NLRP3: variants seen among roughly 807,000 people sequenced by gnomAD.
The protein encoded by NLRP3 is NLR family pyrin domain containing 3.
A neutral mutation model predicts 91.3 loss-of-function variants in NLRP3; 48 were observed. That is an observed-to-expected ratio of 0.53 (90% CI 0.42 to 0.67). NLRP3 has a LOEUF of 0.67. Among genes scored for constraint, NLRP3 ranks in the 30% least tolerant of loss-of-function variants. The pLI is 0.00. For synonymous variants in NLRP3, 561 were observed against 507.9 expected, an observed-to-expected ratio of 1.10 and a Z score of -1.41; for missense variants, 982 against 1,276.9, an observed-to-expected ratio of 0.77 and a Z score of 3.52.
Position 247,424,229 on chromosome 1 carries a change from A to G in NLRP3, c.780A>G (p.Arg260=), listed in dbSNP as rs4925543. The G allele has an allele frequency of 0.95, 1,531,269 of 1,614,012 alleles. 727,245 individuals are homozygous for G. The highest frequency in any genetic ancestry group is 1 in the East Asian group (44,816 of 44,850). The change falls in exon 4 of 10, where the codon CGA becomes CGG. Residue 260 remains arginine (R), a synonymous_variant. Coordinates refer to ENST00000336119, the MANE Select transcript of NLRP3 (RefSeq NM_001243133.2). This position sits in a 1 kb window ranked among gnomAD's most constrained non-coding sequence, Gnocchi z 8.1. ...RFDYLFYIHC[R]EVSLVTQRSL... ...ACTATCTGTTCTATATCCACTGTCG[A>G]GAGGTGAGCCTTGTGACACAGAGGA...
At position 247,448,595 on chromosome 1, in the gene NLRP3, A is replaced by G. The variant is rs201578083; in HGVS notation, c.*91A>G. 9.9e-6 allele frequency: 8 copies of G among 806,920 alleles called. No individual in the cohort carries two copies. In the Admixed American group the frequency reaches 1.4e-4, roughly 14 times the overall value. The allele number at this position is 806,920 out of a possible 1,614,324, so 50.0% of individuals were successfully genotyped here. On this transcript the variant is annotated 3_prime_UTR_variant, in exon 10 of 10. Transcript: ENST00000336119. ...AGAGAGCTGCGATCCATCCAGGCCA[A>G]GACCACAGCTCTGTGATCCTTCCGG...
chr1:247,448,592 C>A lies in NLRP3; in HGVS notation c.*88C>A. On this transcript the variant is annotated 3_prime_UTR_variant, in exon 10 of 10. Coordinates refer to ENST00000336119, the MANE Select transcript of NLRP3 (RefSeq NM_001243133.2). ...TGGAGAGAGCTGCGATCCATCCAGG[C>A]CAAGACCACAGCTCTGTGATCCTTC... The A allele has an allele frequency of 1.2e-6, 1 of 817,520 alleles. No homozygotes were observed. The highest frequency in any genetic ancestry group is 2.2e-6 in the Non-Finnish European group (1 of 457,652). The allele number at this position is 817,520 out of a possible 1,614,324, so 50.6% of individuals were successfully genotyped here.
At chr1:247,447,666 A>AC (rs1664670627) in intron 9 of NLRP3, among the ~76,000 whole-genome samples, 1 of 151,988 alleles carries the variant, frequency 6.6e-6, no homozygotes, top group African/African-American at 2.4e-5. Context: ...TAAGGTAAAA[A>AC]AATTTACAAG....
chr1:247,420,692 G>A (rs1423187932), intron 2 of NLRP3, among the ~76,000 whole-genome samples: 1 of 152,058 alleles, frequency 6.6e-6, no homozygotes, highest in African/African-American at 2.4e-5. Context: ...ACTCCAGCCT[G>A]GGCTAAAGAG....
rs774460270 is a variant in NLRP3, at chr1:247,425,574, T to C, written c.2125T>C (p.Ser709Pro). The C allele has an allele frequency of 1.9e-6, 3 of 1,608,684 alleles. No homozygotes were observed. Among genetic ancestry groups the C allele is most frequent in the Non-Finnish European group, 2.5e-6 (3 of 1,179,996 alleles). The change falls in exon 4 of 10, where the codon TCC (serine) becomes CCC (proline). Residue 709 changes from serine to proline, a missense_variant. Coordinates refer to ENST00000336119, the MANE Select transcript of NLRP3 (RefSeq NM_001243133.2). The surrounding 1 kb of genome is among the most constrained non-coding windows in gnomAD (Gnocchi z 4.1). ...LDMVQCVLPSSSHAACSHGLV... is the reference protein window; with the variant it reads ...LDMVQCVLPSPSHAACSHGLV... ...TATGGTGCAGTGTGTCCTCCCAAGCTCCTCTCATGCTGCCTGTTCTCATGG... is the reference window on the plus strand; with the variant it reads ...TATGGTGCAGTGTGTCCTCCCAAGCCCCTCTCATGCTGCCTGTTCTCATGG...
At chr1:247,423,462 T>C (rs1662620061) in intron 3 of NLRP3, 113 bp downstream of exon 3, 1 of 1,222,056 alleles carries the variant, frequency 8.2e-7, no homozygotes, top group East Asian at 2.3e-5. Flanking sequence ...CTCTTTGGAA[T>C]GCAAAGGCCT....
rs534241765 is a variant in NLRP3, at chr1:247,443,276, CT to C, written c.2664-695del. Among the ~76,000 whole-genome samples the C allele has an allele frequency of 3.9e-3, 591 of 152,174 alleles. 2 individuals are homozygous for C. The highest frequency in any genetic ancestry group is 0.014 in the African/African-American group (563 of 41,518). ...GCAGGGTCTCACTCTGTCACCCAGG[CT>C]AGAGTGTGGCAGCGCAATCATGGCT... is the stretch of plus-strand genomic sequence containing the variant. On this transcript the variant is annotated intron_variant, in intron 7 of 9. Transcript: ENST00000336119.
At position 247,436,156 on chromosome 1, in the gene NLRP3, T is replaced by G. The variant is rs199623293; in HGVS notation, c.2663+16T>G. 2.5e-6 allele frequency: 4 copies of G among 1,613,244 alleles called. No homozygotes were observed. Among genetic ancestry groups the G allele is most frequent in the Middle Eastern group, 1.6e-4 (1 of 6,082 alleles). ...AGAAACTGGGGTAAGTCTTCATGGG[T>G]GTCTTACCAGAAAAGTAACTTCTTT... On this transcript the variant is annotated intron_variant, in intron 7 of 9. Coordinates refer to ENST00000336119, the MANE Select transcript of NLRP3 (RefSeq NM_001243133.2).
In NLRP3 at chr1:247,421,759, C is replaced by A. The variant is rs1662476229; in HGVS notation, c.278-1471C>A. On this transcript the variant is annotated intron_variant, in intron 2 of 9. Coordinates refer to ENST00000336119, the MANE Select transcript of NLRP3 (RefSeq NM_001243133.2). ...CACTACACCGTCTTTGCTTCCATAT[C>A]TGGATTTTGAGGCAGAAAAGTTATA... Among the ~76,000 whole-genome samples the A allele has an allele frequency of 2.6e-5, 4 of 152,154 alleles. No homozygotes were observed. The South Asian group carries it at 8.3e-4, about 31-fold the overall frequency.
intron 9 of NLRP3, among the ~76,000 whole-genome samples, chr1:247,446,263 T>C (rs1276661007): frequency 1.3e-5 from 2 of 152,226 alleles, no homozygotes; most frequent in Non-Finnish European, 2.9e-5. Context: ...GGTGTCTGGA[T>C]TGTCATGGTG....
intron 9 of NLRP3, among the ~76,000 whole-genome samples, chr1:247,446,405 C>T (rs1298976455): frequency 2.0e-5 from 3 of 152,226 alleles, no homozygotes; most frequent in Non-Finnish European, 2.9e-5. Flanking sequence ...GAGCAACAAA[C>T]TCATGGTGGC....
chr1:247,423,303 T>C lies in NLRP3; in HGVS notation c.351T>C (p.Gly117=), dbSNP rs1463227485. 1.9e-6 allele frequency: 3 copies of C among 1,613,826 alleles called. No individual in the cohort carries two copies. Among genetic ancestry groups the C allele is most frequent in the African/African-American group, 2.7e-5 (2 of 74,814 alleles). The change falls in exon 3 of 10, where the codon GGT becomes GGC. Residue 117 remains glycine, a synonymous_variant. Transcript: ENST00000336119. ...QEDSIEEEWM[G]LLEYLSRISI... The stretch of plus-strand genomic sequence containing the variant: ...ACAGCATTGAAGAGGAGTGGATGGG[T>C]TTACTGGAGTACCTTTCGAGAATCT...
chr1:247,448,202 G>T (rs577948543), intron 9 of NLRP3, among the ~76,000 whole-genome samples: 1 of 151,452 alleles, frequency 6.6e-6, no homozygotes, highest in Non-Finnish European at 1.5e-5. Flanking sequence ...GAGTCTCGCG[G>T]CCATCTTGGT....
intron 5 of NLRP3, among the ~76,000 whole-genome samples, chr1:247,432,134 C>T (rs1030468138): frequency 2.0e-5 from 3 of 152,194 alleles, no homozygotes; most frequent in African/African-American, 4.8e-5. Flanking sequence ...CCACCCGCCT[C>T]GGCCTCCCAA....
At chr1:247,419,191 G>A (rs1662280887) in intron 2 of NLRP3, 114 bp downstream of exon 2, 2 of 701,254 alleles carry the variant, frequency 2.9e-6, no homozygotes, top group Non-Finnish European at 3.9e-6. Flanking sequence ...AGTTGCTCTT[G>A]TTGCCCAGGC....
intron 8 of NLRP3, among the ~76,000 whole-genome samples, chr1:247,444,448 A>G (rs1470959751): frequency 2.0e-5 from 3 of 152,026 alleles, no homozygotes; most frequent in Non-Finnish European, 4.4e-5. Flanking sequence ...ACTGTTACTA[A>G]TTTGATCTGT....
At position 247,448,404 on chromosome 1, in the gene NLRP3, G is replaced by C. The variant is rs1664742198; in HGVS notation, c.3006-1G>C. On this transcript the variant is annotated splice_acceptor_variant, in intron 9 of 9. Transcript: ENST00000336119. LOFTEE classifies it high-confidence loss of function. ...CCCAGGCTTTCTATTTGCTTTTACAGGTTGTCTGAAATGTATTTCAATTAT... is the reference window on the plus strand; with the variant it reads ...CCCAGGCTTTCTATTTGCTTTTACACGTTGTCTGAAATGTATTTCAATTAT... 1.3e-6 allele frequency: 2 copies of C among 1,581,136 alleles called. No individual in the cohort carries two copies. The highest frequency in any genetic ancestry group is 1.7e-6 in the Non-Finnish European group (2 of 1,150,682).
At chr1:247,443,739 CTCTT>C (rs1299822840) in intron 7 of NLRP3, among the ~76,000 whole-genome samples, 6 of 152,224 alleles carry the variant, frequency 3.9e-5, no homozygotes, top group South Asian at 2.1e-4. Flanking sequence ...TTTGCCTTGG[CTCTT>C]TCTGTCGGAC....
At chr1:247,429,184 T>C (rs1259953967) in intron 4 of NLRP3, among the ~76,000 whole-genome samples, 7 of 152,150 alleles carry the variant, frequency 4.6e-5, no homozygotes, top group African/African-American at 1.7e-4. Flanking sequence ...TGAGCCACCA[T>C]GCCCAGCCTG....
Sources: gnomAD v4.1 joint callset for allele counts (sites outside exome capture counted in the v4.1 genomes callset) on GRCh38, gnomAD v4.1.1 for gene constraint, Gnocchi (gnomAD v3.1) non-coding constraint, MANE v1.5 for transcripts, NCBI Gene and HGNC (gene_info 2026-07-23, HGNC 2026-07-21) for gene names.